Variants in KIAA0232 observed in about 807,000 individuals in gnomAD.
The protein encoded by KIAA0232 is KIAA0232.
In KIAA0232, 27 loss-of-function variants were observed where a neutral mutation model predicts 122.0. That is an observed-to-expected ratio of 0.22 (90% CI 0.16 to 0.31). The LOEUF (loss-of-function observed/expected upper bound fraction) is 0.31. KIAA0232 is among the 10% of genes least tolerant of loss of function. KIAA0232 has a pLI of 1.00. For missense variants in KIAA0232, 1,551 were observed against 1,634.2 expected (o/e 0.95, Z 0.88); for synonymous variants, 613 against 587.6 (o/e 1.04, Z -0.63).
intron 3 of KIAA0232, among the ~76,000 whole-genome samples, chr4:6,834,267 A>G (rs1028642744): frequency 6.6e-6 from 1 of 152,164 alleles, no homozygotes; most frequent in Non-Finnish European, 1.5e-5. Context: ...AATTATGTGC[A>G]TATCTAATAT....
chr4:6,818,108 G>T (rs1040480583), intron 2 of KIAA0232, among the ~76,000 whole-genome samples: 1 of 151,980 alleles, frequency 6.6e-6, no homozygotes, highest in African/African-American at 2.4e-5. Flanking sequence ...ACCAAATCAA[G>T]AATACATTCC....
chr4:6,792,837 C>G (rs1426831320), intron 1 of KIAA0232, among the ~76,000 whole-genome samples: 3 of 151,788 alleles, frequency 2.0e-5, no homozygotes, highest in Admixed American at 2.0e-4. Flanking sequence ...CCACAGGTGC[C>G]CACCACCACG....
At chr4:6,794,585 A>T (rs1717050254) in intron 1 of KIAA0232, among the ~76,000 whole-genome samples, 1 of 152,226 alleles carries the variant, frequency 6.6e-6, no homozygotes, top group East Asian at 1.9e-4. Context: ...TATGTGGTGG[A>T]CAGGGAAAGC....
chr4:6,821,323 G>A (rs1180695995), intron 2 of KIAA0232, among the ~76,000 whole-genome samples: 1 of 152,010 alleles, frequency 6.6e-6, no homozygotes, highest in Admixed American at 6.6e-5. Flanking sequence ...CCCATCACCT[G>A]AGCGGCATAC....
Position 6,880,793 on chromosome 4 carries a change from T to C in KIAA0232, c.4015T>C (p.Ser1339Pro). ...ERLLDFNRVS[S>P]VYEARCTGER... is the part of the protein sequence containing the mutation. ...AAAATTGTTTTAATCTTAGGTGTCT[T>C]CTGTTTATGAAGCAAGATGTACAGG... The change falls in exon 10 of 10, where the codon TCT becomes CCT. Residue 1339 changes from serine (S) to proline (P), a missense_variant. Ser to Pro is a moderately conservative substitution (Grantham distance 74, BLOSUM62 -1). Coordinates refer to ENST00000307659, the MANE Select transcript of KIAA0232 (RefSeq NM_014743.3). The C allele has an allele frequency of 6.5e-7, 1 of 1,538,610 alleles. No individual in the cohort carries two copies. Among genetic ancestry groups the C allele is most frequent in the Non-Finnish European group, 8.8e-7 (1 of 1,140,238 alleles).
At position 6,846,320 on chromosome 4, in the gene KIAA0232, C is replaced by T. The variant is rs537548648; in HGVS notation, c.369+4116C>T. ...CCTTAAACCAGGTGTCCCCGACCCCCGGGCCATGGACAGGTACCAGTACTT... is the reference window on the plus strand; with the variant it reads ...CCTTAAACCAGGTGTCCCCGACCCCTGGGCCATGGACAGGTACCAGTACTT... On this transcript the variant is annotated intron_variant, in intron 4 of 9. Transcript: ENST00000307659. Among the ~76,000 whole-genome samples the T allele has an allele frequency of 5.3e-5, 8 of 152,250 alleles. No individual in the cohort carries two copies. The South Asian group carries it at 1.2e-3, about 24-fold the overall frequency.
At chr4:6,794,996 G>T (rs1458046291) in intron 1 of KIAA0232, among the ~76,000 whole-genome samples, 1 of 152,140 alleles carries the variant, frequency 6.6e-6, no homozygotes, top group Non-Finnish European at 1.5e-5. Flanking sequence ...CTGCATAGGT[G>T]GTATTTATAA....
chr4:6,813,317 A>G (rs1415229149), intron 2 of KIAA0232, among the ~76,000 whole-genome samples: 1 of 149,214 alleles, frequency 6.7e-6, no homozygotes, highest in Non-Finnish European at 1.5e-5. Flanking sequence ...CTTGGAAAGT[A>G]TTTACTTATA....
chr4:6,842,954 A>G (rs920975770), intron 4 of KIAA0232, among the ~76,000 whole-genome samples: 1 of 152,150 alleles, frequency 6.6e-6, no homozygotes, highest in Non-Finnish European at 1.5e-5. Context: ...GGTCTGTATT[A>G]TTACATTTGG....
At chr4:6,799,351 A>G (rs1300210260) in intron 1 of KIAA0232, among the ~76,000 whole-genome samples, 1 of 150,750 alleles carries the variant, frequency 6.6e-6, no homozygotes, top group East Asian at 1.9e-4. Context: ...CAAATAAGGT[A>G]ATGTTCACAG....
Position 6,844,478 on chromosome 4 carries a change from A to G in KIAA0232, c.369+2274A>G, listed in dbSNP as rs112464190. On this transcript the variant is annotated intron_variant, in intron 4 of 9. Coordinates refer to ENST00000307659, the MANE Select transcript of KIAA0232 (RefSeq NM_014743.3). ...TTTTGAGACGACAGAGTCTTACTCT[A>G]TTGCCCAGGCTGGAATGCAGTGACG... Among the ~76,000 whole-genome samples, 1,145 of 151,050 alleles carry G rather than the reference A, an allele frequency of 7.6e-3. 12 individuals are homozygous for G. Among genetic ancestry groups the G allele is most frequent in the African/African-American group, 0.023 (952 of 41,098 alleles).
At position 6,843,927 on chromosome 4, in the gene KIAA0232, C is replaced by CTTTTTTTTTTTTTT. The variant is rs373793407; in HGVS notation, c.369+1742_369+1755dup. 1.5e-4 allele frequency among the ~76,000 whole-genome samples: 7 copies of CTTTTTTTTTTTTTT among 46,358 alleles called. 2 individuals are homozygous for CTTTTTTTTTTTTTT. Among genetic ancestry groups the CTTTTTTTTTTTTTT allele is most frequent in the African/African-American group, 4.8e-4 (7 of 14,676 alleles). The allele number at this position is 46,358 out of a possible 152,430, so 30.4% of individuals were successfully genotyped here. A position where few individuals can be genotyped will look rare whatever the true frequency, so the allele number is the denominator to read the frequency against. On this transcript the variant is annotated intron_variant, in intron 4 of 9. Transcript: ENST00000307659. ...GGCGCAAGGACCGTGAGTTACCCATCTTTTTTTTTTTTTTTTTTTTTTTTT... is the reference window on the plus strand; with the variant it reads ...GGCGCAAGGACCGTGAGTTACCCATCTTTTTTTTTTTTTTTTTTTTTTTTTTTTTTTTTTTTTTT...
At chr4:6,792,670 G>C (rs1716947245) in intron 1 of KIAA0232, among the ~76,000 whole-genome samples, 1 of 149,126 alleles carries the variant, frequency 6.7e-6, no homozygotes, top group African/African-American at 2.5e-5. Flanking sequence ...TTGTAGTCTT[G>C]ATAGTCTTAG....
chr4:6,841,313 T>G (rs890494981), intron 3 of KIAA0232, among the ~76,000 whole-genome samples: 3 of 152,244 alleles, frequency 2.0e-5, no homozygotes, highest in South Asian at 2.1e-4. Flanking sequence ...GGAAATTTCT[T>G]TATCTCAAAA....
At chr4:6,842,585 A>ATT (rs758473629) in intron 4 of KIAA0232, among the ~76,000 whole-genome samples, 8 of 133,306 alleles carry the variant, frequency 6.0e-5, no homozygotes, top group Non-Finnish European at 6.6e-5. Flanking sequence ...CTTGCTCTTG[A>ATT]TTTTTTTTTT....
intron 2 of KIAA0232, among the ~76,000 whole-genome samples, chr4:6,813,417 C>A (rs1474086468): frequency 6.6e-6 from 1 of 150,728 alleles, no homozygotes; most frequent in Non-Finnish European, 1.5e-5. Flanking sequence ...GGCTGGAATG[C>A]AGTGGCGCAG....
chr4:6,841,969 T>A, intron 3 of KIAA0232, 98 bp from the exon 4 acceptor site: 2 of 1,374,234 alleles, frequency 1.5e-6, no homozygotes, highest in Non-Finnish European at 2.0e-6. Flanking sequence ...CGTATGGAAA[T>A]GCAAGGGGCC....
intron 1 of KIAA0232, among the ~76,000 whole-genome samples, chr4:6,795,764 C>T (rs908262216): frequency 6.6e-6 from 1 of 152,128 alleles, no homozygotes; most frequent in Non-Finnish European, 1.5e-5. Context: ...AGCTAATTTA[C>T]TTTTTTTGTA....
chr4:6,801,241 T>A (rs1465559644), intron 1 of KIAA0232, among the ~76,000 whole-genome samples: 2 of 152,228 alleles, frequency 1.3e-5, no homozygotes, highest in Non-Finnish European at 2.9e-5. Context: ...AAGAACTGAA[T>A]TTTCAATTTT....
Sources: allele counts gnomAD v4.1 joint callset (sites outside exome capture counted in the v4.1 genomes callset), GRCh38; gene constraint gnomAD v4.1.1; transcripts MANE v1.5; gene names NCBI Gene and HGNC (gene_info 2026-07-23, HGNC 2026-07-21).